Variants in SPATA16 observed in about 807,000 individuals in gnomAD.
SPATA16 encodes spermatogenesis associated 16.
SPATA16 carries 36 observed loss-of-function variants against 63.3 expected under a neutral mutation model. The ratio of observed to expected loss-of-function variants is 0.57; its 90% CI spans 0.44 to 0.75. The LOEUF (loss-of-function observed/expected upper bound fraction) is 0.75, where lower values mean the gene tolerates loss of function less well. SPATA16 is among the 30% of genes least tolerant of loss of function. The probability of loss-of-function intolerance (pLI) is 0.00; values close to 1 mark genes in which losing one functional copy is unlikely to be tolerated. For missense variants in SPATA16, 646 were observed against 679.3 expected (o/e 0.95, Z 0.54); for synonymous variants, 203 against 216.7 (o/e 0.94, Z 0.56).
At chr3:173,070,037 A>G (rs953700147) in intron 2 of SPATA16, among the ~76,000 whole-genome samples, 4 of 152,120 alleles carry the variant, frequency 2.6e-5, no homozygotes, top group African/African-American at 7.2e-5. Flanking sequence ...TTAATATCAT[A>G]TTGAAAGGGG....
chr3:173,132,398 A>G (rs542310628), intron 1 of SPATA16, among the ~76,000 whole-genome samples: 2 of 152,322 alleles, frequency 1.3e-5, no homozygotes, highest in East Asian at 1.9e-4. Flanking sequence ...AAGCAAAAGC[A>G]AAAGAGAATT....
intron 2 of SPATA16, among the ~76,000 whole-genome samples, chr3:173,051,997 G>A (rs1736111629): frequency 6.6e-6 from 1 of 151,988 alleles, no homozygotes; most frequent in Non-Finnish European, 1.5e-5. Context: ...TTTCAGCAGA[G>A]ACAGGGTTTC....
At position 173,122,249 on chromosome 3, in the gene SPATA16, C is replaced by A. The variant is rs181196609; in HGVS notation, c.-18-4500G>T. Reference sequence around the variant, plus strand: ...ATGTTCAATCATTTCCAGTGGGTAACCATTTTAAATTCATTCAGTGGATTT... The same window carrying A: ...ATGTTCAATCATTTCCAGTGGGTAAACATTTTAAATTCATTCAGTGGATTT... On this transcript the variant is annotated intron_variant, in intron 1 of 10. Coordinates refer to ENST00000351008, the MANE Select transcript of SPATA16 (RefSeq NM_031955.6). 8.6e-5 allele frequency among the ~76,000 whole-genome samples: 13 copies of A among 152,006 alleles called. No individual in the cohort carries two copies. In the South Asian group the frequency reaches 1.2e-3, roughly 15 times the overall value.
intron 6 of SPATA16, among the ~76,000 whole-genome samples, chr3:172,943,647 C>T (rs1190500840): frequency 3.3e-5 from 5 of 152,102 alleles, no homozygotes; most frequent in East Asian, 3.9e-4. Flanking sequence ...GGCTGAGGTA[C>T]GAGAATTGCT....
At position 173,117,705 on chromosome 3, in the gene SPATA16, C is replaced by T; in HGVS notation, c.27G>A (p.Leu9=). The part of the protein sequence containing the change: MDAGSSRS[L]ENAVNRIYHD... ...GATAGATCCTATTCACTGCATTCTC[C>T]AAACTCCTACTGCTTCCTGCATCCA... The change falls in exon 2 of 11, where the codon TTG becomes TTA. Residue 9 remains leucine, a synonymous_variant. Coordinates refer to ENST00000351008, the MANE Select transcript of SPATA16 (RefSeq NM_031955.6). The T allele has an allele frequency of 6.2e-7, 1 of 1,614,086 alleles. No homozygotes were observed. Among genetic ancestry groups the T allele is most frequent in the African/African-American group, 1.3e-5 (1 of 75,018 alleles).
chr3:173,136,037 C>G (rs1738537646), intron 1 of SPATA16, among the ~76,000 whole-genome samples: 7 of 152,216 alleles, frequency 4.6e-5, no homozygotes, highest in Admixed American at 4.6e-4. Context: ...CCCCTACTCC[C>G]TTATCTACAA....
At chr3:173,118,537 A>C (rs1737970297) in intron 1 of SPATA16, among the ~76,000 whole-genome samples, 1 of 152,218 alleles carries the variant, frequency 6.6e-6, no homozygotes, top group Admixed American at 6.5e-5. Flanking sequence ...TCAAAATATC[A>C]AGTGTTCTAA....
intron 1 of SPATA16, among the ~76,000 whole-genome samples, chr3:173,135,773 C>G (rs1401393556): frequency 6.6e-6 from 1 of 151,998 alleles, no homozygotes; most frequent in East Asian, 1.9e-4. Flanking sequence ...TTGTGGTTGC[C>G]CTTGAGACAG....
chr3:173,047,824 A>G (rs1333759350), intron 3 of SPATA16, among the ~76,000 whole-genome samples: 2 of 152,036 alleles, frequency 1.3e-5, no homozygotes, highest in Non-Finnish European at 2.9e-5. Flanking sequence ...GTCAAAGAGA[A>G]TCTGCCTCTA....
At chr3:173,076,911 A>G (rs1408555763) in intron 2 of SPATA16, among the ~76,000 whole-genome samples, 1 of 152,124 alleles carries the variant, frequency 6.6e-6, no homozygotes, top group Non-Finnish European at 1.5e-5. Flanking sequence ...ACAGGCAGCA[A>G]ATCCTCAGAA....
intron 4 of SPATA16, among the ~76,000 whole-genome samples, chr3:172,992,146 G>T (rs568453897): frequency 1.3e-5 from 2 of 152,172 alleles, no homozygotes; most frequent in South Asian, 4.1e-4. Flanking sequence ...TTGCTTGAAG[G>T]GGGGTAATGC....
intron 4 of SPATA16, among the ~76,000 whole-genome samples, chr3:173,002,176 G>A (rs1484966952): frequency 6.6e-6 from 1 of 151,924 alleles, no homozygotes; most frequent in African/African-American, 2.4e-5. Context: ...TTTTATGCTT[G>A]GTTCCTGCAT....
At chr3:173,052,428 G>A (rs1000544822) in intron 2 of SPATA16, among the ~76,000 whole-genome samples, 3 of 152,174 alleles carry the variant, frequency 2.0e-5, no homozygotes, top group African/African-American at 7.2e-5. Context: ...TAGGCTTTAT[G>A]TATGTTTGTT....
At chr3:173,094,677 GT>G (rs57224552) in intron 2 of SPATA16, among the ~76,000 whole-genome samples, 23,749 of 115,582 alleles carry the variant, frequency 0.21, 1,625 homozygotes, top group African/African-American at 0.33. Flanking sequence ...TATGGGAGTT[GT>G]TTTTTTTTTT....
intron 3 of SPATA16, among the ~76,000 whole-genome samples, chr3:173,024,452 A>C (rs1366831589): frequency 1.3e-5 from 2 of 151,174 alleles, no homozygotes; most frequent in Non-Finnish European, 3.0e-5. Flanking sequence ...ATAATTTTTA[A>C]AAATATTCTT....
chr3:172,926,180 TAA>T lies in SPATA16; in HGVS notation c.1082-690_1082-689del, dbSNP rs57396085. Among the ~76,000 whole-genome samples, 162 of 146,340 alleles carry T rather than the reference TAA, an allele frequency of 1.1e-3. 2 individuals are homozygous for T. Among genetic ancestry groups the T allele is most frequent in the African/African-American group, 3.8e-3 (155 of 40,436 alleles). On this transcript the variant is annotated intron_variant, in intron 6 of 10. Transcript: ENST00000351008. ...AGATGTAAGGAAATAATGTTAGTTA[TAA>T]AAAAAAAAGGAAAAAAATTACAAGT...
intron 1 of SPATA16, among the ~76,000 whole-genome samples, chr3:173,135,044 A>G (rs1738502131): frequency 6.6e-6 from 1 of 152,234 alleles, no homozygotes; most frequent in African/African-American, 2.4e-5. Context: ...AGAATAAAAG[A>G]AAATATCTGT....
chr3:173,015,414 T>G (rs1735159973), intron 4 of SPATA16, among the ~76,000 whole-genome samples: 1 of 152,176 alleles, frequency 6.6e-6, no homozygotes, highest in South Asian at 2.1e-4. Context: ...CATTTTTTCT[T>G]TAGTTTTACC....
intron 2 of SPATA16, among the ~76,000 whole-genome samples, chr3:173,065,516 G>C (rs973284115): frequency 6.6e-6 from 1 of 152,070 alleles, no homozygotes; most frequent in South Asian, 2.1e-4. Context: ...TACCCACACA[G>C]GAAATCACTT....
Sources: gnomAD v4.1 joint callset for allele counts (sites outside exome capture counted in the v4.1 genomes callset) on GRCh38, gnomAD v4.1.1 for gene constraint, MANE v1.5 for transcripts, NCBI Gene and HGNC (gene_info 2026-07-23, HGNC 2026-07-21) for gene names.